Variants in HIKESHI observed in about 807,000 individuals in gnomAD.
HIKESHI encodes heat shock protein nuclear import factor hikeshi.
Under a neutral mutation model 25.7 loss-of-function variants are expected in HIKESHI, and 13 were observed. The observed-to-expected ratio is 0.51, with a 90% CI of 0.33 to 0.80. The LOEUF (loss-of-function observed/expected upper bound fraction) is 0.80. HIKESHI is among the 30% of genes least tolerant of loss of function. The pLI is 0.02. For missense variants in HIKESHI, 174 were observed against 229.5 expected, an observed-to-expected ratio of 0.76 and a Z score of 1.56; for synonymous variants, 76 against 78.7, an observed-to-expected ratio of 0.97 and a Z score of 0.18.
At chr11:86,314,696 A>G (rs1028363911) in intron 2 of HIKESHI, among the ~76,000 whole-genome samples, 1 of 152,194 alleles carries the variant, frequency 6.6e-6, no homozygotes, top group Admixed American at 6.5e-5. Context: ...AGAATTGATG[A>G]TAAATACTAA....
At chr11:86,307,445 AAT>A (rs1565719251) in intron 2 of HIKESHI, among the ~76,000 whole-genome samples, 1 of 137,984 alleles carries the variant, frequency 7.2e-6, no homozygotes, top group Non-Finnish European at 1.5e-5. Flanking sequence ...TTATATATCA[AAT>A]ATATATTATG....
chr11:86,315,495 A>G (rs1195478304), intron 2 of HIKESHI, among the ~76,000 whole-genome samples: 4 of 152,002 alleles, frequency 2.6e-5, no homozygotes, highest in Non-Finnish European at 5.9e-5. Context: ...TAATTTTTGT[A>G]TTTTTAGTAG....
At chr11:86,320,861 T>C (rs1051052168) in intron 2 of HIKESHI, among the ~76,000 whole-genome samples, 2 of 152,166 alleles carry the variant, frequency 1.3e-5, no homozygotes, top group Non-Finnish European at 2.9e-5. Context: ...CTTTTTTTTG[T>C]CTGGCTTTTT....
At chr11:86,312,120 A>G (rs1946851529) in intron 2 of HIKESHI, among the ~76,000 whole-genome samples, 1 of 151,762 alleles carries the variant, frequency 6.6e-6, no homozygotes, top group Admixed American at 6.6e-5. Flanking sequence ...ATCCTTGTTA[A>G]CTTTCTGTCT....
chr11:86,322,666 T>A (rs1947181162), intron 2 of HIKESHI, among the ~76,000 whole-genome samples: 1 of 152,218 alleles, frequency 6.6e-6, no homozygotes, highest in African/African-American at 2.4e-5. Flanking sequence ...GTGCTTTTGA[T>A]GTAAGAAATC....
chr11:86,314,398 T>C (rs1218416848), intron 2 of HIKESHI, among the ~76,000 whole-genome samples: 1 of 152,078 alleles, frequency 6.6e-6, no homozygotes, highest in African/African-American at 2.4e-5. Flanking sequence ...GTGGATTGCC[T>C]GAGCTCAAGA....
chr11:86,302,388 G>T lies in HIKESHI; in HGVS notation c.-61G>T. ...GTTCTTAGTCTCGACTAGGGCAGTA[G>T]CCCCAGGACTCCTAGTCGCCGGCTT... On this transcript the variant is annotated 5_prime_UTR_variant, in exon 1 of 5. Coordinates refer to ENST00000278483, the MANE Select transcript of HIKESHI (RefSeq NM_016401.4). 1.9e-6 allele frequency: 3 copies of T among 1,548,510 alleles called. No homozygotes were observed. Among genetic ancestry groups the T allele is most frequent in the Non-Finnish European group, 1.7e-6 (2 of 1,145,084 alleles).
chr11:86,313,892 A>C (rs769469023), intron 2 of HIKESHI, among the ~76,000 whole-genome samples: 3 of 152,150 alleles, frequency 2.0e-5, no homozygotes, highest in Non-Finnish European at 4.4e-5. Context: ...ATTCTTTTCT[A>C]GGTGGAGGTA....
chr11:86,310,636 G>A (rs1222610078), intron 2 of HIKESHI, among the ~76,000 whole-genome samples: 1 of 152,154 alleles, frequency 6.6e-6, no homozygotes, highest in Non-Finnish European at 1.5e-5. Context: ...TCCCTGTTTT[G>A]TGCCAGTTTT....
Position 86,337,419 on chromosome 11 carries a change from C to A in HIKESHI, c.309C>A (p.Val103=), listed in dbSNP as rs1364257508. 2 of 1,613,858 alleles carry A rather than the reference C, an allele frequency of 1.2e-6. No individual in the cohort carries two copies. Among genetic ancestry groups the A allele is most frequent in the East Asian group, 2.2e-5 (1 of 44,842 alleles). The part of the protein sequence containing the change: ...SQHPFGAMNI[V]RTPSVAQIGI... ...ATCCTTTTGGAGCCATGAATATTGT[C>A]CGAACTCCATCTGTTGCTCAGATTG... The change falls in exon 3 of 5, where the codon GTC becomes GTA. Residue 103 remains valine (V), a synonymous_variant. Coordinates refer to ENST00000278483, the MANE Select transcript of HIKESHI (RefSeq NM_016401.4).
chr11:86,323,098 C>T (rs1396262323), intron 2 of HIKESHI, among the ~76,000 whole-genome samples: 1 of 152,012 alleles, frequency 6.6e-6, no homozygotes, highest in Admixed American at 6.6e-5. Context: ...TGTAGTGGCT[C>T]ATGCCTCTGG....
At chr11:86,311,652 A>G (rs960303620) in intron 2 of HIKESHI, among the ~76,000 whole-genome samples, 4 of 152,130 alleles carry the variant, frequency 2.6e-5, no homozygotes, top group Non-Finnish European at 5.9e-5. Flanking sequence ...TTGTGACGTT[A>G]GGGTGTCAAT....
intron 2 of HIKESHI, among the ~76,000 whole-genome samples, chr11:86,317,784 G>A (rs1452689992): frequency 6.6e-6 from 1 of 151,512 alleles, no homozygotes; most frequent in Non-Finnish European, 1.5e-5. Context: ...CAGCCTGGGC[G>A]ATAGAAAAAA....
At chr11:86,308,383 TA>T (rs970639846) in intron 2 of HIKESHI, among the ~76,000 whole-genome samples, 4 of 138,734 alleles carry the variant, frequency 2.9e-5, no homozygotes, top group African/African-American at 5.4e-5. Flanking sequence ...GTATTATATA[TA>T]AAAAATATAT....
intron 2 of HIKESHI, among the ~76,000 whole-genome samples, chr11:86,312,060 T>A (rs1946848223): frequency 6.6e-6 from 1 of 152,200 alleles, no homozygotes. Context: ...GAGAGTTCTG[T>A]AGATGTCTAT....
chr11:86,331,452 G>A (rs1296315892), intron 2 of HIKESHI, among the ~76,000 whole-genome samples: 30 of 152,088 alleles, frequency 2.0e-4, no homozygotes, highest in Admixed American at 1.9e-3. Context: ...TCACACCACA[G>A]CACTCCAGCC....
intron 2 of HIKESHI, among the ~76,000 whole-genome samples, chr11:86,319,217 A>AATATATATATAT (rs139667221): frequency 8.7e-6 from 1 of 115,070 alleles, no homozygotes; most frequent in Non-Finnish European, 1.7e-5. Flanking sequence ...CTGGCTTAAA[A>AATATATATATAT]ATATATATAT....
chr11:86,331,341 T>G (rs532346740), intron 2 of HIKESHI, among the ~76,000 whole-genome samples: 2 of 152,152 alleles, frequency 1.3e-5, no homozygotes, highest in South Asian at 4.2e-4. Context: ...ATACAAAAAT[T>G]AGCTGCACAT....
intron 2 of HIKESHI, among the ~76,000 whole-genome samples, chr11:86,314,773 A>G (rs1043534148): frequency 1.3e-5 from 2 of 152,250 alleles, no homozygotes; most frequent in African/African-American, 4.8e-5. Flanking sequence ...TGAGATCATT[A>G]TCATAAATCC....
Sources: allele counts gnomAD v4.1 joint callset (sites outside exome capture counted in the v4.1 genomes callset), GRCh38; gene constraint gnomAD v4.1.1; transcripts MANE v1.5; gene names NCBI Gene and HGNC (gene_info 2026-07-23, HGNC 2026-07-21).